The following ZNF503 variants were observed in gnomAD, a reference collection of about 807,000 sequenced individuals.
The protein encoded by ZNF503 is NocA-like zinc finger 2.
Under a neutral mutation model 34.4 loss-of-function variants are expected in ZNF503, and 15 were observed. That is an observed-to-expected ratio of 0.44 (90% CI 0.29 to 0.67). The LOEUF is 0.67. Ranked by LOEUF, ZNF503 falls within the 30% of genes least tolerant of loss-of-function variation. The pLI is 0.13. For missense variants in ZNF503, 1,007 were observed against 926.8 expected (o/e 1.09, Z -1.12); for synonymous variants, 580 against 456.8 (o/e 1.27, Z -3.44).
the ZNF503 span, among the ~76,000 whole-genome samples, chr10:75,317,474 A>G: frequency 6.7e-6 from 1 of 149,338 alleles, no homozygotes; most frequent in Non-Finnish European, 1.5e-5. Flanking sequence ...TTTAGAAGAG[A>G]CGGGGTTTCA....
chr10:75,401,329 C>T lies in ZNF503; in HGVS notation c.91G>A (p.Ala31Thr). 1.3e-6 allele frequency: 2 copies of T among 1,542,050 alleles called. No homozygotes were observed. Among genetic ancestry groups the T allele is most frequent in the Non-Finnish European group, 1.7e-6 (2 of 1,148,136 alleles). Residue 31 changes from alanine to threonine, a missense_variant, in exon 1 of 2, where the codon GCC becomes ACC. Ala to Thr is a moderately conservative substitution (Grantham distance 58). Transcript: ENST00000372524. ...TTTCCAGAGAGCGCGCTGGTCCAGG[C>T]AGGGTCTGCACCGCCGCCTCCGCCT... Reference protein sequence around the residue: ...GGGGGGGADPAWTSALSGNSS... With the variant: ...GGGGGGGADPTWTSALSGNSS...
chr10:75,398,552 G>T lies in ZNF503; in HGVS notation c.*197C>A. The T allele has an allele frequency of 2.4e-6, 1 of 418,984 alleles. No individual in the cohort carries two copies. The highest frequency in any genetic ancestry group is 4.1e-6 in the Non-Finnish European group (1 of 245,514). The allele number at this position is 418,984 out of a possible 1,614,324, so 26.0% of individuals were successfully genotyped here. On this transcript the variant is annotated 3_prime_UTR_variant, in exon 2 of 2. Transcript: ENST00000372524. ...ATAAAGTTTGGGTGGGGAGGTGAAA[G>T]TGGGGAGAAGGGGAGTGTCCCACCG...
the ZNF503 span, among the ~76,000 whole-genome samples, chr10:75,343,068 G>A: frequency 6.6e-6 from 1 of 152,146 alleles, no homozygotes; most frequent in African/African-American, 2.4e-5. Context: ...AGGCAAAATG[G>A]GGGGAAGGAG....
chr10:75,377,761 G>T, the ZNF503 span, among the ~76,000 whole-genome samples: 1 of 152,210 alleles, frequency 6.6e-6, no homozygotes, highest in Non-Finnish European at 1.5e-5. Context: ...GGTCTGCATG[G>T]CCACACATGA....
the ZNF503 span, among the ~76,000 whole-genome samples, chr10:75,315,507 T>C: frequency 6.6e-6 from 1 of 152,336 alleles, no homozygotes; most frequent in African/African-American, 2.4e-5. Context: ...ATGGTGTTGT[T>C]ATCATGTTAA....
At chr10:75,373,112 C>T in the ZNF503 span, among the ~76,000 whole-genome samples, 49 of 152,340 alleles carry the variant, frequency 3.2e-4, no homozygotes, top group East Asian at 2.5e-3. Context: ...GGGTCGTGCA[C>T]GTATTCGCCA....
the ZNF503 span, among the ~76,000 whole-genome samples, chr10:75,383,128 G>C: frequency 6.6e-6 from 1 of 152,182 alleles, no homozygotes; most frequent in East Asian, 1.9e-4. Context: ...GGAAGCCCGA[G>C]GGGCCCATGG....
downstream of ZNF503, among the ~76,000 whole-genome samples, chr10:75,396,206 G>A (rs1286586686): frequency 6.6e-6 from 1 of 152,198 alleles, no homozygotes; most frequent in Admixed American, 6.5e-5. This position sits in a 1 kb window ranked among gnomAD's most constrained non-coding sequence, Gnocchi z 4.4. Flanking sequence ...GGATTCTCAA[G>A]GAACCAGGCC....
chr10:75,314,861 T>C, the ZNF503 span, among the ~76,000 whole-genome samples: 1 of 152,230 alleles, frequency 6.6e-6, no homozygotes, highest in Non-Finnish European at 1.5e-5. Flanking sequence ...GGGAGTTTAT[T>C]ACTACCAGAC....
chr10:75,335,371 TG>T, the ZNF503 span, among the ~76,000 whole-genome samples: 1 of 152,258 alleles, frequency 6.6e-6, no homozygotes, highest in Non-Finnish European at 1.5e-5. Flanking sequence ...CACTGGCTAC[TG>T]GATAAAGTCC....
the ZNF503 span, among the ~76,000 whole-genome samples, chr10:75,346,936 C>T: frequency 6.6e-6 from 1 of 152,148 alleles, no homozygotes; most frequent in South Asian, 2.1e-4. Flanking sequence ...GCGTTAGCTG[C>T]CGCGCCTGGC....
chr10:75,342,658 G>A, the ZNF503 span, among the ~76,000 whole-genome samples: 2 of 149,636 alleles, frequency 1.3e-5, no homozygotes, highest in African/African-American at 4.9e-5. Context: ...AGTGCCTCCC[G>A]GTGGTGGGGC....
At chr10:75,376,682 T>C in the ZNF503 span, among the ~76,000 whole-genome samples, 1 of 152,042 alleles carries the variant, frequency 6.6e-6, no homozygotes, top group African/African-American at 2.4e-5. Flanking sequence ...CTGAGACTGG[T>C]TTAATACCTG....
At chr10:75,283,896 A>G in the ZNF503 span, 17 of 152,302 alleles carry the variant, frequency 1.1e-4, no homozygotes, top group African/African-American at 4.1e-4. Context: ...CAGAGCAGCA[A>G]TAGGGCTCTT....
chr10:75,343,898 C>T, the ZNF503 span, among the ~76,000 whole-genome samples: 6 of 152,132 alleles, frequency 3.9e-5, no homozygotes, highest in African/African-American at 1.4e-4. Flanking sequence ...GTGAATTGTG[C>T]GGGGGGTGAC....
At chr10:75,328,839 C>T in the ZNF503 span, among the ~76,000 whole-genome samples, 5 of 149,744 alleles carry the variant, frequency 3.3e-5, no homozygotes, top group South Asian at 2.1e-4. Flanking sequence ...CTCTGCCTCC[C>T]GGGTTCAAGT....
downstream of ZNF503, among the ~76,000 whole-genome samples, chr10:75,396,719 C>T (rs956751804): frequency 6.6e-6 from 1 of 152,058 alleles, no homozygotes. The surrounding 1 kb of genome is among the most constrained non-coding windows in gnomAD (Gnocchi z 4.4). Flanking sequence ...AGAGCTGTGA[C>T]TCCACGGTCC....
chr10:75,383,252 A>ACCC, the ZNF503 span, among the ~76,000 whole-genome samples: 27 of 152,108 alleles, frequency 1.8e-4, no homozygotes, highest in Admixed American at 1.8e-3. Context: ...TTGACAGAGC[A>ACCC]CCCATCCATC....
chr10:75,318,844 C>T, the ZNF503 span, among the ~76,000 whole-genome samples: 1 of 151,866 alleles, frequency 6.6e-6, no homozygotes, highest in African/African-American at 2.4e-5. Flanking sequence ...AGGCTTTCCT[C>T]CTCTTTTTAA....
Sources: allele counts gnomAD v4.1 joint callset (sites outside exome capture counted in the v4.1 genomes callset), GRCh38; gene constraint gnomAD v4.1.1; non-coding constraint Gnocchi (gnomAD v3.1); transcripts MANE v1.5; gene names NCBI Gene and HGNC (gene_info 2026-07-23, HGNC 2026-07-21).